Variants in EXD3 observed in about 807,000 individuals in gnomAD.
EXD3 encodes the protein exonuclease mut-7 homolog.
In EXD3, 92 loss-of-function variants were observed where a neutral mutation model predicts 98.0. That is an observed-to-expected ratio of 0.94 (90% CI 0.79 to 1.12). EXD3 has a LOEUF of 1.12. Ranked by LOEUF, EXD3 falls within the 50% of genes most tolerant of loss-of-function variation. The probability of loss-of-function intolerance (pLI) is 0.00; values close to 1 mark genes in which losing one functional copy is unlikely to be tolerated. For missense variants in EXD3, 1,222 were observed against 1,191.6 expected, an observed-to-expected ratio of 1.03 and a Z score of -0.38; for synonymous variants, 569 against 526.0, an observed-to-expected ratio of 1.08 and a Z score of -1.12.
At chr9:137,350,808 C>G (rs887885146) in intron 14 of EXD3, among the ~76,000 whole-genome samples, 1 of 152,056 alleles carries the variant, frequency 6.6e-6, no homozygotes, top group Non-Finnish European at 1.5e-5. Flanking sequence ...CACCAGATAA[C>G]GGCCCCACAG....
chr9:137,410,350 T>C (rs1317918922), intron 1 of EXD3, among the ~76,000 whole-genome samples: 1 of 151,898 alleles, frequency 6.6e-6, no homozygotes, highest in African/African-American at 2.4e-5. Context: ...CCAGGCGCGG[T>C]GGTGGGTGCC....
In EXD3 at chr9:137,395,416, G is replaced by A; in HGVS notation, c.-47-12C>T. The A allele has an allele frequency of 6.2e-7, 1 of 1,611,876 alleles. No individual in the cohort carries two copies. The highest frequency in any genetic ancestry group is 1.7e-5 in the Admixed American group (1 of 59,938). On this transcript the variant is annotated splice_polypyrimidine_tract_variant and intron_variant, in intron 1 of 21. Transcript: ENST00000340951. The surrounding 1 kb of genome is among the most constrained non-coding windows in gnomAD (Gnocchi z 6.5). The stretch of plus-strand genomic sequence containing the variant: ...CTAGGAACGAGGATCTGCAGAAACA[G>A]ACAATCAGGTGAATGCAGAGCCCAC...
In EXD3 at chr9:137,348,104, C is replaced by G; in HGVS notation, c.1965G>C (p.Leu655=). Residue 655 remains leucine (L), a synonymous_variant, in exon 17 of 22, where the codon CTG becomes CTC. Coordinates refer to ENST00000340951, the MANE Select transcript of EXD3 (RefSeq NM_017820.5). ...CCCTGCGGTGGTCTTCACCATTGCC[C>G]AGCATGCGTGCATCCACACCGAGAC... The part of the protein sequence containing the change: ...LRCLGVDARM[L]GNGEDHRRAA... The G allele has an allele frequency of 6.2e-7, 1 of 1,611,970 alleles. No individual in the cohort carries two copies. Among genetic ancestry groups the G allele is most frequent in the Non-Finnish European group, 8.5e-7 (1 of 1,179,710 alleles).
intron 1 of EXD3, among the ~76,000 whole-genome samples, chr9:137,397,966 A>G (rs757448607): frequency 3.1e-5 from 4 of 130,114 alleles, no homozygotes; most frequent in African/African-American, 6.3e-5. Context: ...AAAACCATGA[A>G]TAAAGTTAAA....
intron 9 of EXD3, 102 bp downstream of exon 9, chr9:137,354,598 G>C (rs1834510937): frequency 6.4e-7 from 1 of 1,563,590 alleles, no homozygotes; most frequent in Non-Finnish European, 8.6e-7. Flanking sequence ...GCTCCTACTT[G>C]ATATGTCTGT....
chr9:137,413,759 C>G (rs1254001761), intron 1 of EXD3, among the ~76,000 whole-genome samples: 1 of 151,904 alleles, frequency 6.6e-6, no homozygotes, highest in African/African-American at 2.4e-5. Flanking sequence ...TGCCTCAGCC[C>G]AGAACATTTT....
rs1457392644 is a variant in EXD3, at chr9:137,354,696, G to A, written c.831+4C>T. ...GCCCCCAGGACCCCCTCCTGCTCAC[G>A]AACCTCCACAAACCGCTTGTGGCAC... On this transcript the variant is annotated splice_donor_region_variant and intron_variant, in intron 9 of 21. Coordinates refer to ENST00000340951, the MANE Select transcript of EXD3 (RefSeq NM_017820.5). 3.4e-5 allele frequency: 55 copies of A among 1,610,584 alleles called. No individual in the cohort carries two copies. Among genetic ancestry groups the A allele is most frequent in the Non-Finnish European group, 4.5e-5 (53 of 1,179,664 alleles).
At chr9:137,322,698 C>T (rs1588243220) in intron 19 of EXD3, among the ~76,000 whole-genome samples, 1 of 97,124 alleles carries the variant, frequency 1.0e-5, no homozygotes, top group South Asian at 3.7e-4. Flanking sequence ...CCCGGACCCC[C>T]AAGAGATTCT....
intron 8 of EXD3, among the ~76,000 whole-genome samples, chr9:137,355,671 G>GGAAGGAGGAC (rs1564509096): frequency 5.2e-5 from 1 of 19,084 alleles, no homozygotes; most frequent in African/African-American, 1.9e-4. Context: ...GAAGGAGAAA[G>GGAAGGAGGAC]GGAGGATGGA....
chr9:137,329,755 GACTACAC>G, intron 17 of EXD3, among the ~76,000 whole-genome samples: 1 of 25,260 alleles, frequency 4.0e-5, no homozygotes, highest in South Asian at 1.4e-3. Flanking sequence ...GACTACACGG[GACTACAC>G]GGGGTCACAC....
At chr9:137,412,226 A>C (rs1349130645) in intron 1 of EXD3, among the ~76,000 whole-genome samples, 1 of 152,166 alleles carries the variant, frequency 6.6e-6, no homozygotes, top group Non-Finnish European at 1.5e-5. Flanking sequence ...ATCCCAAAGG[A>C]GGCCTCCAAG....
chr9:137,348,733 G>C (rs1390898677), intron 16 of EXD3, among the ~76,000 whole-genome samples: 2 of 108,908 alleles, frequency 1.8e-5, no homozygotes, highest in Non-Finnish European at 3.9e-5. Flanking sequence ...TAGATAGAGA[G>C]GGGTGGGGAT....
intron 8 of EXD3, 92 bp downstream of exon 8, chr9:137,356,176 A>T (rs1266664388): frequency 1.0e-6 from 1 of 970,036 alleles, no homozygotes; most frequent in African/African-American, 1.6e-5. Context: ...TGGCACCTGA[A>T]CAACGGGCAG....
rs1452425333 is a variant in EXD3, at chr9:137,323,850, C to T, written c.2059G>A (p.Ala687Thr). Reference protein sequence around the residue: ...TSGQPFHKLRAQVGAGRCLSV... With the variant: ...TSGQPFHKLRTQVGAGRCLSV... ...AGGCAGCGCCCAGCCCCGACCTGGG[C>T]CCGGAGCTGCAAAGACACGGCTCGG... Residue 687 changes from alanine (A) to threonine (T), a missense_variant, in exon 19 of 22, where the codon GCC becomes ACC. Transcript: ENST00000340951. The T allele has an allele frequency of 1.2e-6, 2 of 1,610,332 alleles. No individual in the cohort carries two copies. The highest frequency in any genetic ancestry group is 2.7e-5 in the African/African-American group (2 of 74,886).
chr9:137,340,076 A>G (rs1833565571), intron 17 of EXD3, among the ~76,000 whole-genome samples: 1 of 152,248 alleles, frequency 6.6e-6, no homozygotes, highest in Admixed American at 6.5e-5. Context: ...CAGTCCATGT[A>G]TCAGCAGAAA....
chr9:137,311,691 C>T (rs751767909), intron 19 of EXD3, among the ~76,000 whole-genome samples: 26 of 152,142 alleles, frequency 1.7e-4, no homozygotes, highest in Non-Finnish European at 2.6e-4. Context: ...GGCCCTGCCC[C>T]GGCCAGGGCT....
In EXD3 at chr9:137,356,208, C is replaced by G. The variant is rs996002360; in HGVS notation, c.757+60G>C. Reference sequence around the variant, plus strand: ...GCAGCCCCAGTCACAGAGGATGTCCCTGGCCACGCTTGGCGGCTCTCCCTG... The same window carrying G: ...GCAGCCCCAGTCACAGAGGATGTCCGTGGCCACGCTTGGCGGCTCTCCCTG... On this transcript the variant is annotated intron_variant, in intron 8 of 21. Transcript: ENST00000340951. 4 of 1,314,200 alleles carry G rather than the reference C, an allele frequency of 3.0e-6. No individual in the cohort carries two copies. The Admixed American group carries it at 8.1e-5, about 27-fold the overall frequency. 81.4% of individuals were successfully genotyped at this position (1,314,200 alleles called of 1,614,324 possible). A position where few individuals can be genotyped will look rare whatever the true frequency, so the allele number is the denominator to read the frequency against.
At position 137,347,383 on chromosome 9, in the gene EXD3, A is replaced by T. The variant is rs1833991680; in HGVS notation, c.1998+688T>A. 6.6e-6 allele frequency among the ~76,000 whole-genome samples: 1 copy of T among 151,786 alleles called. No individual in the cohort carries two copies. The highest frequency in any genetic ancestry group is 1.5e-5 in the Non-Finnish European group (1 of 67,996). On this transcript the variant is annotated intron_variant, in intron 17 of 21. Transcript: ENST00000340951. This position sits in a 1 kb window ranked among gnomAD's most constrained non-coding sequence, Gnocchi z 4.2. ...CGGCGTCCTCCATCTTCAAGCCAACAATGGGACACTGAATCCTTCCTGTGC... is the reference window on the plus strand; with the variant it reads ...CGGCGTCCTCCATCTTCAAGCCAACTATGGGACACTGAATCCTTCCTGTGC...
intron 2 of EXD3, chr9:137,392,753 A>C: frequency 3.2e-6 from 1 of 310,032 alleles, no homozygotes; most frequent in Admixed American, 5.2e-5. Flanking sequence ...GGGGGCACCG[A>C]GGCTGTTCCA....
Sources: allele counts gnomAD v4.1 joint callset (sites outside exome capture counted in the v4.1 genomes callset), GRCh38; gene constraint gnomAD v4.1.1; non-coding constraint Gnocchi (gnomAD v3.1); transcripts MANE v1.5; gene names NCBI Gene and HGNC (gene_info 2026-07-23, HGNC 2026-07-21).